CCDC171: variants seen among roughly 807,000 people sequenced by gnomAD.
CCDC171 encodes the protein coiled-coil domain containing 171.
In CCDC171, 177 loss-of-function variants were observed where a neutral mutation model predicts 168.2. The observed-to-expected ratio is 1.05, with a 90% CI of 0.93 to 1.19. CCDC171 has a LOEUF of 1.19. Among genes scored for constraint, CCDC171 ranks in the 50% most tolerant of loss-of-function variants. CCDC171 has a pLI of 0.00. For synonymous variants in CCDC171, 687 were observed against 540.8 expected (o/e 1.27, Z -3.75); for missense variants, 1,991 against 1,539.0 (o/e 1.29, Z -4.91).
chr9:15,890,041 C>G (rs552179066), intron 24 of CCDC171, among the ~76,000 whole-genome samples: 47 of 152,252 alleles, frequency 3.1e-4, no homozygotes, highest in African/African-American at 1.1e-3. Flanking sequence ...TGGCTTTAAA[C>G]CAAAATGGCC....
intron 6 of CCDC171, among the ~76,000 whole-genome samples, chr9:15,595,573 A>C (rs2042287290): frequency 3.9e-5 from 6 of 152,190 alleles, no homozygotes; most frequent in Admixed American, 3.9e-4. Flanking sequence ...GTTGGTTCCA[A>C]GTCTTTGCTA....
intron 23 of CCDC171, among the ~76,000 whole-genome samples, chr9:15,856,344 C>A (rs1328194850): frequency 6.6e-6 from 1 of 151,924 alleles, no homozygotes; most frequent in Non-Finnish European, 1.5e-5. Context: ...TTCTCCCTCC[C>A]TGACCCCAGC....
At chr9:15,704,450 G>A (rs948784844) in intron 11 of CCDC171, among the ~76,000 whole-genome samples, 6 of 152,082 alleles carry the variant, frequency 3.9e-5, no homozygotes, top group Middle Eastern at 3.2e-3. Context: ...AGGCAGTGGC[G>A]CTTTACCTCC....
At chr9:15,624,087 G>T (rs1405942332) in intron 7 of CCDC171, among the ~76,000 whole-genome samples, 1 of 152,034 alleles carries the variant, frequency 6.6e-6, no homozygotes, top group Non-Finnish European at 1.5e-5. Context: ...AGTATTTAAT[G>T]GCAAAGTACT....
chr9:15,603,954 C>T (rs538115848), intron 6 of CCDC171, among the ~76,000 whole-genome samples: 3 of 152,164 alleles, frequency 2.0e-5, no homozygotes, highest in Admixed American at 2.0e-4. Flanking sequence ...TCTGACTGGC[C>T]TGAGATGGTA....
At chr9:15,874,785 C>T (rs975710209) in intron 24 of CCDC171, 122 bp downstream of exon 24, 3 of 945,030 alleles carry the variant, frequency 3.2e-6, no homozygotes, top group African/African-American at 3.4e-5. Flanking sequence ...ATAGATGTTT[C>T]TTCATTTTTC....
the CCDC171 span, among the ~76,000 whole-genome samples, chr9:16,072,868 T>C: frequency 0.037 from 5,618 of 152,302 alleles, 311 homozygotes; most frequent in African/African-American, 0.12. Flanking sequence ...TACCGCTTTC[T>C]CTGCTCACCA....
chr9:16,103,078 C>G, the CCDC171 span, among the ~76,000 whole-genome samples: 1 of 152,238 alleles, frequency 6.6e-6, no homozygotes, highest in Non-Finnish European at 1.5e-5. Context: ...GACCTGCAGG[C>G]CCCCCTCCCA....
chr9:16,059,451 A>G (rs1022904072), intron 1 of CCDC171, among the ~76,000 whole-genome samples: 2 of 147,664 alleles, frequency 1.4e-5, no homozygotes, highest in Admixed American at 6.7e-5. Flanking sequence ...GGGGCTTTCC[A>G]GGGGACACTG....
chr9:15,778,917 G>T, intron 19 of CCDC171, 51 bp from the exon 20 acceptor site: 1 of 1,249,804 alleles, frequency 8.0e-7, no homozygotes, highest in Non-Finnish European at 1.1e-6. Context: ...TATTGCTATT[G>T]TTAGTAAATC....
At chr9:15,584,153 C>T (rs1377688872) in intron 4 of CCDC171, among the ~76,000 whole-genome samples, 1 of 152,220 alleles carries the variant, frequency 6.6e-6, no homozygotes, top group East Asian at 1.9e-4. Context: ...AGGCGTGAGC[C>T]ACCGTGCCCG....
At chr9:15,949,681 C>G (rs537899439) in intron 25 of CCDC171, among the ~76,000 whole-genome samples, 105 of 152,282 alleles carry the variant, frequency 6.9e-4, no homozygotes, top group African/African-American at 2.5e-3. Flanking sequence ...GCTGAAGTCG[C>G]TTATCAGCTT....
intron 3 of CCDC171, among the ~76,000 whole-genome samples, chr9:15,981,972 A>G (rs1033154587): frequency 1.3e-5 from 2 of 152,190 alleles, no homozygotes; most frequent in African/African-American, 2.4e-5. Context: ...CAATAACTGA[A>G]AAGGCTTATA....
downstream of CCDC171, among the ~76,000 whole-genome samples, chr9:15,975,377 A>G (rs1359214629): frequency 6.6e-6 from 1 of 152,196 alleles, no homozygotes; most frequent in Non-Finnish European, 1.5e-5. Context: ...AAAGAGAAAA[A>G]AAAATTTTTT....
intron 19 of CCDC171, among the ~76,000 whole-genome samples, chr9:15,778,228 C>T (rs1178618921): frequency 7.3e-6 from 1 of 137,526 alleles, no homozygotes; most frequent in African/African-American, 2.7e-5. Flanking sequence ...ACCCGGGAAG[C>T]GGAGCTTGCA....
chr9:16,052,250 C>T (rs1374354533), intron 1 of CCDC171, among the ~76,000 whole-genome samples: 1 of 152,156 alleles, frequency 6.6e-6, no homozygotes, highest in Non-Finnish European at 1.5e-5. Context: ...TCTGAGGAGG[C>T]CCTCTTGGTC....
At chr9:16,022,551 G>C (rs563067438) in exon 5 of CCDC171, 22 of 152,480 alleles carry the variant, frequency 1.4e-4, no homozygotes, top group African/African-American at 5.0e-4. Context: ...ACTGCTGCCT[G>C]CATCTGGGTT....
intron 6 of CCDC171, among the ~76,000 whole-genome samples, chr9:16,028,828 G>A (rs564166286): frequency 1.1e-4 from 17 of 152,288 alleles, no homozygotes; most frequent in Middle Eastern, 6.8e-3. Flanking sequence ...CCTCTCTGAT[G>A]GACGACTTTG....
At chr9:15,556,071 T>A (rs1280624771) in intron 1 of CCDC171, among the ~76,000 whole-genome samples, 3 of 152,212 alleles carry the variant, frequency 2.0e-5, no homozygotes, top group Non-Finnish European at 2.9e-5. Flanking sequence ...ATTTTCTTAA[T>A]CCAGTCTATC....
Sources: gnomAD v4.1 joint callset for allele counts (sites outside exome capture counted in the v4.1 genomes callset) on GRCh38, gnomAD v4.1.1 for gene constraint, MANE v1.5 for transcripts, NCBI Gene and HGNC (gene_info 2026-07-23, HGNC 2026-07-21) for gene names.